The following EPHA6 variants were observed in gnomAD, a reference collection of about 807,000 sequenced individuals.
The protein encoded by EPHA6 is ephrin type-A receptor 6.
Under a neutral mutation model 112.0 loss-of-function variants are expected in EPHA6, and 50 were observed. That is an observed-to-expected ratio of 0.45 (90% CI 0.36 to 0.56). The LOEUF (loss-of-function observed/expected upper bound fraction) is 0.56, where lower values mean the gene tolerates loss of function less well. Among genes scored for constraint, EPHA6 ranks in the 20% least tolerant of loss-of-function variants. EPHA6 has a pLI of 0.00. For synonymous variants in EPHA6, 529 were observed against 490.7 expected (o/e 1.08, Z -1.03); for missense variants, 1,280 against 1,417.4 (o/e 0.90, Z 1.56).
In EPHA6 at chr3:97,413,681, G is replaced by A. The variant is rs116051619; in HGVS notation, c.1731+8407G>A. On this transcript the variant is annotated intron_variant, in intron 6 of 17. Coordinates refer to ENST00000389672, the MANE Select transcript of EPHA6 (RefSeq NM_001080448.3). ...AGTTTTTGCATGGCTCAGTTCCCAAGCTTTACTTTCCCTTTGGCACGGTGA... is the reference window on the plus strand; with the variant it reads ...AGTTTTTGCATGGCTCAGTTCCCAAACTTTACTTTCCCTTTGGCACGGTGA... Among the ~76,000 whole-genome samples, 484 of 152,066 alleles carry A rather than the reference G, an allele frequency of 3.2e-3. 2 individuals are homozygous for A. Among genetic ancestry groups the A allele is most frequent in the African/African-American group, 0.011 (454 of 41,524 alleles).
chr3:97,227,222 C>CTT (rs200109335), intron 4 of EPHA6, among the ~76,000 whole-genome samples: 1 of 135,330 alleles, frequency 7.4e-6, no homozygotes, highest in Non-Finnish European at 1.6e-5. Context: ...GTAGAGGAGA[C>CTT]TTTTTTTTTT....
At chr3:96,815,650 T>A (rs1487194801) in intron 1 of EPHA6, among the ~76,000 whole-genome samples, 1 of 152,086 alleles carries the variant, frequency 6.6e-6, no homozygotes, top group Non-Finnish European at 1.5e-5. Flanking sequence ...AATACCCTAT[T>A]CATGAAGTCA....
chr3:97,518,043 T>TACAGTGA (rs2092474782), intron 10 of EPHA6, among the ~76,000 whole-genome samples: 1 of 152,196 alleles, frequency 6.6e-6, no homozygotes, highest in Non-Finnish European at 1.5e-5. Context: ...TGAATAATGC[T>TACAGTGA]ACAGTGAACA....
At chr3:97,554,861 G>A (rs997916359) in intron 11 of EPHA6, among the ~76,000 whole-genome samples, 1 of 151,920 alleles carries the variant, frequency 6.6e-6, no homozygotes, top group Non-Finnish European at 1.5e-5. Context: ...TAAACTTGGA[G>A]TGACTGCCCC....
chr3:97,023,287 G>A (rs1206538233), intron 3 of EPHA6, among the ~76,000 whole-genome samples: 1 of 152,060 alleles, frequency 6.6e-6, no homozygotes, highest in Non-Finnish European at 1.5e-5. Context: ...CACTGAGTTA[G>A]CCAGGATGGT....
chr3:96,876,796 C>T (rs1439843412), intron 2 of EPHA6, among the ~76,000 whole-genome samples: 2 of 152,118 alleles, frequency 1.3e-5, no homozygotes, highest in Admixed American at 1.3e-4. Flanking sequence ...CCCCCACTTT[C>T]TCTATCTCAC....
chr3:97,680,142 C>G (rs2031741958), intron 14 of EPHA6, among the ~76,000 whole-genome samples: 3 of 152,144 alleles, frequency 2.0e-5, no homozygotes, highest in Admixed American at 2.0e-4. Flanking sequence ...TTCTATCCTG[C>G]TCAGATCTGC....
At chr3:96,970,148 G>A (rs777567894) in intron 2 of EPHA6, among the ~76,000 whole-genome samples, 15 of 151,620 alleles carry the variant, frequency 9.9e-5, no homozygotes, top group African/African-American at 1.7e-4. Flanking sequence ...TTCCTAAGCA[G>A]CCTGAATATT....
At chr3:97,560,626 A>G (rs1319052470) in intron 11 of EPHA6, 5 of 152,034 alleles carry the variant, frequency 3.3e-5, no homozygotes, top group Non-Finnish European at 7.4e-5. Flanking sequence ...TCATTCTTCA[A>G]AGAATATTCA....
chr3:97,645,677 A>G (rs2094054360), intron 14 of EPHA6, among the ~76,000 whole-genome samples: 1 of 152,068 alleles, frequency 6.6e-6, no homozygotes, highest in African/African-American at 2.4e-5. Flanking sequence ...AAAAAAAAAG[A>G]AAAGGATTCT....
chr3:97,689,004 T>C (rs1425961828), intron 14 of EPHA6, among the ~76,000 whole-genome samples: 2 of 152,226 alleles, frequency 1.3e-5, no homozygotes, highest in Non-Finnish European at 2.9e-5. Context: ...GTTTTACCTT[T>C]CTTCAAAATT....
At chr3:97,557,119 A>C (rs374026226) in intron 11 of EPHA6, among the ~76,000 whole-genome samples, 1 of 152,042 alleles carries the variant, frequency 6.6e-6, no homozygotes, top group Non-Finnish European at 1.5e-5. Flanking sequence ...TTCATGAGTC[A>C]AAGAATTTGA....
chr3:96,896,572 G>C (rs2107557119), intron 2 of EPHA6, among the ~76,000 whole-genome samples: 1 of 152,296 alleles, frequency 6.6e-6, no homozygotes, highest in East Asian at 1.9e-4. Flanking sequence ...GTCTCAGCAA[G>C]CCTGTGGCAT....
intron 3 of EPHA6, among the ~76,000 whole-genome samples, chr3:97,118,828 T>C (rs2047965197): frequency 6.6e-6 from 1 of 151,964 alleles, no homozygotes; most frequent in South Asian, 2.1e-4. Flanking sequence ...AAATATTCTG[T>C]AAAATACTCT....
chr3:97,293,360 T>G (rs1576863615), intron 5 of EPHA6, among the ~76,000 whole-genome samples: 2 of 151,916 alleles, frequency 1.3e-5, no homozygotes, highest in African/African-American at 4.8e-5. Flanking sequence ...GGCAGGCAGG[T>G]CATCCTGGCT....
chr3:97,224,987 G>A (rs995029276), intron 3 of EPHA6, among the ~76,000 whole-genome samples: 4 of 151,584 alleles, frequency 2.6e-5, no homozygotes, highest in Non-Finnish European at 5.9e-5. Flanking sequence ...ACGGAGTCTC[G>A]CTCTGTCGCC....
In EPHA6 at chr3:97,027,755, A is replaced by G. The variant is rs1365844205; in HGVS notation, c.1114+39762A>G. On this transcript the variant is annotated intron_variant, in intron 3 of 17. Coordinates refer to ENST00000389672, the MANE Select transcript of EPHA6 (RefSeq NM_001080448.3). ...AGGAAATAGTTTCTTTCCCAGGGGC[A>G]TACTGCCTTTTAAAAAAATGTCTAT... 3.9e-5 allele frequency among the ~76,000 whole-genome samples: 6 copies of G among 152,216 alleles called. No homozygotes were observed. The South Asian group carries it at 6.2e-4, about 16-fold the overall frequency.
intron 14 of EPHA6, among the ~76,000 whole-genome samples, chr3:97,643,107 G>A (rs1244973111): frequency 2.5e-4 from 38 of 152,188 alleles, no homozygotes; most frequent in African/African-American, 6.5e-4. Context: ...CAGAAACCCT[G>A]CAAGCCAGAA....
intron 5 of EPHA6, among the ~76,000 whole-genome samples, chr3:97,272,794 C>A (rs562020314): frequency 6.6e-6 from 1 of 151,932 alleles, no homozygotes; most frequent in Middle Eastern, 3.2e-3. Context: ...AGGCAGGAAC[C>A]GGCCATCTGG....
Sources: gnomAD v4.1 joint callset for allele counts (sites outside exome capture counted in the v4.1 genomes callset) on GRCh38, gnomAD v4.1.1 for gene constraint, MANE v1.5 for transcripts, NCBI Gene and HGNC (gene_info 2026-07-23, HGNC 2026-07-21) for gene names.